DYNC1I1: variants seen among roughly 807,000 people sequenced by gnomAD.
DYNC1I1 encodes the protein cytoplasmic dynein 1 intermediate chain 1.
Under a neutral mutation model 86.6 loss-of-function variants are expected in DYNC1I1, and 43 were observed. The ratio of observed to expected loss-of-function variants is 0.50; its 90% CI spans 0.39 to 0.64. The LOEUF (loss-of-function observed/expected upper bound fraction) is 0.64. Ranked by LOEUF, DYNC1I1 falls within the 30% of genes least tolerant of loss-of-function variation. The pLI, the probability that DYNC1I1 is intolerant of heterozygous loss-of-function variation, is 0.00. For synonymous variants in DYNC1I1, 262 were observed against 283.7 expected, an observed-to-expected ratio of 0.92 and a Z score of 0.77; for missense variants, 604 against 788.8, an observed-to-expected ratio of 0.77 and a Z score of 2.81.
At chr7:95,870,065 CT>C in intron 6 of DYNC1I1, 67 bp downstream of exon 6, 1 of 1,356,762 alleles carries the variant, frequency 7.4e-7, no homozygotes, top group Non-Finnish European at 1.0e-6. Flanking sequence ...TAACATCTTT[CT>C]TGTTGATTTC....
intron 5 of DYNC1I1, among the ~76,000 whole-genome samples, chr7:95,830,359 A>C (rs758427934): frequency 6.6e-6 from 1 of 151,940 alleles, no homozygotes; most frequent in Non-Finnish European, 1.5e-5. Flanking sequence ...TGTTATCTAC[A>C]CTCTTGCTTC....
At chr7:95,869,830 C>T (rs1362809019) in intron 5 of DYNC1I1, 53 bp from the exon 6 acceptor site, 2 of 1,528,448 alleles carry the variant, frequency 1.3e-6, no homozygotes, top group African/African-American at 1.4e-5. Context: ...ACTGATAGCT[C>T]TTCTGCAAGG....
intron 14 of DYNC1I1, among the ~76,000 whole-genome samples, chr7:96,071,624 A>G (rs549127299): frequency 6.6e-6 from 1 of 152,258 alleles, no homozygotes; most frequent in South Asian, 2.1e-4. Flanking sequence ...CCTGCTGTTC[A>G]TCTTTACTGT....
At chr7:96,093,656 T>A (rs1790914020) in intron 16 of DYNC1I1, among the ~76,000 whole-genome samples, 1 of 152,160 alleles carries the variant, frequency 6.6e-6, no homozygotes, top group South Asian at 2.1e-4. Context: ...AGTTGGAATA[T>A]CTGAGTCATC....
intron 6 of DYNC1I1, among the ~76,000 whole-genome samples, chr7:95,921,601 G>A (rs1304952242): frequency 6.6e-6 from 1 of 152,056 alleles, no homozygotes; most frequent in Non-Finnish European, 1.5e-5. Flanking sequence ...GAGCCAGTGG[G>A]TTCTTCAATT....
In DYNC1I1 at chr7:95,828,083, C is replaced by T; in HGVS notation, c.341C>T (p.Ser114Leu). Residue 114 changes from serine (S) to leucine (L), a missense_variant, in exon 5 of 17, where the codon TCA becomes TTA. Transcript: ENST00000447467. ...ACCCTGCAGTGGGACACAGACCCCT[C>T]AGTGCTCCAGCTGCAGTCAGACTCA... The part of the protein sequence containing the change: ...TRTLQWDTDP[S>L]VLQLQSDSEL... 1.9e-6 allele frequency: 3 copies of T among 1,613,870 alleles called. No individual in the cohort carries two copies. The highest frequency in any genetic ancestry group is 2.5e-6 in the Non-Finnish European group (3 of 1,179,804).
At position 96,095,963 on chromosome 7, in the gene DYNC1I1, T is replaced by C. The variant is rs1298753923; in HGVS notation, c.1777-1520T>C. Among the ~76,000 whole-genome samples, 5 of 152,122 alleles carry C rather than the reference T, an allele frequency of 3.3e-5. No homozygotes were observed. In the East Asian group the frequency reaches 9.6e-4, roughly 29 times the overall value. The stretch of plus-strand genomic sequence containing the variant: ...TTGCCTACAAAGAAATTTGGATTCA[T>C]TTCAATAATTATAGTAGCATTTAAC... On this transcript the variant is annotated intron_variant, in intron 16 of 16. Coordinates refer to ENST00000447467, the MANE Select transcript of DYNC1I1 (RefSeq NM_001135556.2).
At chr7:96,018,687 A>G (rs550140022) in intron 10 of DYNC1I1, among the ~76,000 whole-genome samples, 2 of 152,266 alleles carry the variant, frequency 1.3e-5, no homozygotes, top group East Asian at 3.9e-4. Context: ...GAGCCTCATT[A>G]TTTCTGTGGG....
At chr7:95,972,196 G>T (rs912813282) in intron 6 of DYNC1I1, among the ~76,000 whole-genome samples, 4 of 152,142 alleles carry the variant, frequency 2.6e-5, no homozygotes, top group Non-Finnish European at 4.4e-5. Flanking sequence ...AACGCCTCTA[G>T]TGGGATTTAT....
intron 1 of DYNC1I1, among the ~76,000 whole-genome samples, chr7:95,791,348 C>T (rs1340224826): frequency 6.6e-6 from 1 of 152,166 alleles, no homozygotes; most frequent in Non-Finnish European, 1.5e-5. Context: ...AACTTTGTTG[C>T]ACAGAGAATC....
intron 9 of DYNC1I1, among the ~76,000 whole-genome samples, chr7:95,989,172 G>GGGT (rs1793669133): frequency 6.6e-6 from 1 of 152,154 alleles, no homozygotes; most frequent in Non-Finnish European, 1.5e-5. Context: ...GGGGAGAAGA[G>GGGT]GGTGTTCTAG....
At chr7:95,926,599 T>G (rs1197319920) in intron 6 of DYNC1I1, among the ~76,000 whole-genome samples, 2 of 152,184 alleles carry the variant, frequency 1.3e-5, no homozygotes, top group Non-Finnish European at 2.9e-5. Context: ...TAACTTTGGC[T>G]TCATGGACAG....
At chr7:96,034,323 A>G (rs2116008378) in intron 12 of DYNC1I1, among the ~76,000 whole-genome samples, 1 of 152,322 alleles carries the variant, frequency 6.6e-6, no homozygotes, top group African/African-American at 2.4e-5. Flanking sequence ...ATAAACAGAC[A>G]TAAGAGCAAG....
intron 6 of DYNC1I1, among the ~76,000 whole-genome samples, chr7:95,899,382 G>A (rs1790975120): frequency 6.6e-6 from 1 of 152,134 alleles, no homozygotes; most frequent in Non-Finnish European, 1.5e-5. Context: ...GCCTCCATGG[G>A]CCATGAAATC....
At chr7:96,014,315 G>T (rs1794350333) in intron 10 of DYNC1I1, among the ~76,000 whole-genome samples, 2 of 152,128 alleles carry the variant, frequency 1.3e-5, no homozygotes, top group African/African-American at 4.8e-5. Context: ...TTTCCAGAAC[G>T]TGAGTCTCCT....
At chr7:96,096,455 A>G (rs1270021092) in intron 16 of DYNC1I1, among the ~76,000 whole-genome samples, 6 of 152,196 alleles carry the variant, frequency 3.9e-5, no homozygotes, top group Admixed American at 6.5e-5. Flanking sequence ...AAATGCGTGT[A>G]AAATCTAAAT....
intron 6 of DYNC1I1, among the ~76,000 whole-genome samples, chr7:95,882,727 G>C (rs1265901942): frequency 6.6e-6 from 1 of 152,132 alleles, no homozygotes; most frequent in African/African-American, 2.4e-5. Flanking sequence ...ACATTGGTGA[G>C]GTACAGCGAA....
intron 6 of DYNC1I1, among the ~76,000 whole-genome samples, chr7:95,937,943 A>AAT (rs1792092651): frequency 6.6e-6 from 1 of 151,982 alleles, no homozygotes. Context: ...CATAATATAT[A>AAT]ATATATATAC....
intron 16 of DYNC1I1, among the ~76,000 whole-genome samples, chr7:96,088,274 G>A (rs1027132114): frequency 6.6e-6 from 1 of 152,062 alleles, no homozygotes; most frequent in African/African-American, 2.4e-5. Flanking sequence ...TGAAAAGAAA[G>A]CCCTAATATC....
Sources: gnomAD v4.1 joint callset for allele counts (sites outside exome capture counted in the v4.1 genomes callset) on GRCh38, gnomAD v4.1.1 for gene constraint, MANE v1.5 for transcripts, NCBI Gene and HGNC (gene_info 2026-07-23, HGNC 2026-07-21) for gene names.